Variants in MEDAG observed in about 807,000 individuals in gnomAD.
MEDAG encodes mesenteric estrogen dependent adipogenesis, also known as mesenteric estrogen-dependent adipogenesis protein.
In MEDAG, 25 loss-of-function variants were observed where a neutral mutation model predicts 29.9. That is an observed-to-expected ratio of 0.84 (90% CI 0.61 to 1.17). The LOEUF is 1.17. Ranked by LOEUF, MEDAG falls within the 50% of genes most tolerant of loss-of-function variation. The pLI, the probability that MEDAG is intolerant of heterozygous loss-of-function variation, is 0.00. For missense variants in MEDAG, 398 were observed against 372.9 expected (o/e 1.07, Z -0.56); for synonymous variants, 158 against 148.2 (o/e 1.07, Z -0.48).
chr13:30,915,094 A>G lies in MEDAG; in HGVS notation c.279-2309A>G, dbSNP rs573861133. ...CCATCTATTTTGTTATGTTTATGTC[A>G]ACCAGACTTGCCCTTTCCTTCCTCT... On this transcript the variant is annotated intron_variant, in intron 1 of 4. Transcript: ENST00000380482. Among the ~76,000 whole-genome samples, 67 of 152,240 alleles carry G rather than the reference A, an allele frequency of 4.4e-4. 1 individual carries two copies. The highest frequency in any genetic ancestry group is 3.3e-4 in the Admixed American group (5 of 15,292).
In MEDAG at chr13:30,921,823, G is replaced by A. The variant is rs761660083; in HGVS notation, c.764G>A (p.Arg255Gln). Residue 255 changes from arginine to glutamine, a missense_variant, in exon 4 of 5, where the codon CGA (arginine) becomes CAA (glutamine). Arg to Gln is a conservative substitution (Grantham distance 43, BLOSUM62 1). Transcript: ENST00000380482. ...ATCCGAAGGAGCAGTTTCTCTGACC[G>A]AAAGTTCAGTGTAACTTCCAGAGGT... Reference protein sequence around the residue: ...PLIRRSSFSDRKFSVTSRGSI... With the variant: ...PLIRRSSFSDQKFSVTSRGSI... The A allele has an allele frequency of 1.6e-5, 25 of 1,608,418 alleles. No homozygotes were observed. The highest frequency in any genetic ancestry group is 1.9e-5 in the Non-Finnish European group (22 of 1,178,158).
chr13:30,924,208 A>G, intron 4 of MEDAG, 103 bp from the exon 5 acceptor site: 1 of 1,217,052 alleles, frequency 8.2e-7, no homozygotes, highest in Non-Finnish European at 1.1e-6. Flanking sequence ...AGGATTCTCT[A>G]TTAATTATTA....
chr13:30,907,048 G>A (rs1267284383), intron 1 of MEDAG, among the ~76,000 whole-genome samples: 1 of 152,222 alleles, frequency 6.6e-6, no homozygotes, highest in Non-Finnish European at 1.5e-5. Flanking sequence ...GACTGGGGGC[G>A]AGGGGGAGGG....
chr13:30,906,663 C>A lies in MEDAG; in HGVS notation c.148C>A (p.Leu50Met), dbSNP rs751939702. 1.3e-6 allele frequency: 2 copies of A among 1,561,812 alleles called. 1 individual carries two copies. The change falls in exon 1 of 5, where the codon CTG becomes ATG. Residue 50 changes from leucine (L) to methionine (M), a missense_variant. Leu to Met is a conservative substitution (Grantham distance 15). Transcript: ENST00000380482. Reference sequence around the variant, plus strand: ...GCGCCTGCAGCCCGGTGCCTTCCAGCTGAGCGGCGACCAGCTCGTGGTGGC... The same window carrying A: ...GCGCCTGCAGCCCGGTGCCTTCCAGATGAGCGGCGACCAGCTCGTGGTGGC... ...LLRLQPGAFQ[L>M]SGDQLVVARP...
chr13:30,908,760 A>C (rs564146257), intron 1 of MEDAG: 1 of 148,606 alleles, frequency 6.7e-6, no homozygotes, highest in South Asian at 2.2e-4. Context: ...CTTTTTGAAA[A>C]ATAAGCTCTG....
chr13:30,910,632 C>T (rs978772143), intron 1 of MEDAG, among the ~76,000 whole-genome samples: 5 of 152,230 alleles, frequency 3.3e-5, no homozygotes, highest in Admixed American at 3.3e-4. Flanking sequence ...AGCTAGTGCA[C>T]ATTTTGTACA....
chr13:30,915,999 A>C (rs1952924619), intron 1 of MEDAG: 1 of 152,152 alleles, frequency 6.6e-6, no homozygotes, highest in African/African-American at 2.4e-5. Flanking sequence ...ATGTGGTGGG[A>C]GGTGGAGACT....
At chr13:30,912,942 A>G (rs533944510) in intron 1 of MEDAG, among the ~76,000 whole-genome samples, 1 of 152,350 alleles carries the variant, frequency 6.6e-6, no homozygotes, top group South Asian at 2.1e-4. Context: ...CATGATGTTT[A>G]TCAAGCATCT....
At position 30,921,848 on chromosome 13, in the gene MEDAG, T is replaced by G; in HGVS notation, c.787+2T>G. On this transcript the variant is annotated splice_donor_variant, in intron 4 of 4. Transcript: ENST00000380482. LOFTEE classifies it high-confidence loss of function. Reference sequence around the variant, plus strand: ...GAAAGTTCAGTGTAACTTCCAGAGGTATGTTAAAAATTCCGAAGGATATGT... The same window carrying G: ...GAAAGTTCAGTGTAACTTCCAGAGGGATGTTAAAAATTCCGAAGGATATGT... The G allele has an allele frequency of 6.3e-7, 1 of 1,587,210 alleles. No individual in the cohort carries two copies. The highest frequency in any genetic ancestry group is 8.5e-7 in the Non-Finnish European group (1 of 1,170,506).
Position 30,921,777 on chromosome 13 carries a change from G to GA in MEDAG, c.724dup (p.Met242AsnfsTer3), listed in dbSNP as rs753872842. The stretch of plus-strand genomic sequence containing the variant: ...GAAGGAGACGATTAAGTTATTTCTG[G>GA]AAAAAATGAGTGAGCCTTTAATCCG... On this transcript the variant is annotated frameshift_variant, in exon 4 of 5. Coordinates refer to ENST00000380482, the MANE Select transcript of MEDAG (RefSeq NM_032849.4). LOFTEE classifies it high-confidence loss of function. The GA allele has an allele frequency of 1.1e-5, 17 of 1,612,358 alleles. No homozygotes were observed. In the African/African-American group the frequency reaches 1.7e-4, roughly 16 times the overall value.
chr13:30,906,509 C>A lies in MEDAG; in HGVS notation c.-7C>A. 6.6e-7 allele frequency: 1 copy of A among 1,508,310 alleles called. No homozygotes were observed. Among genetic ancestry groups the A allele is most frequent in the South Asian group, 1.3e-5 (1 of 78,020 alleles). 93.4% of individuals were successfully genotyped at this position (1,508,310 alleles called of 1,614,324 possible). ...AAGCAGGCGGTGTGAGGACCGACGA[C>A]GCGGGCATGGCGGGGGCGGCCTGCG... On this transcript the variant is annotated 5_prime_UTR_variant, in exon 1 of 5. Coordinates refer to ENST00000380482, the MANE Select transcript of MEDAG (RefSeq NM_032849.4).
intron 4 of MEDAG, chr13:30,922,289 C>G (rs1952996001): frequency 6.9e-6 from 1 of 144,702 alleles, no homozygotes; most frequent in Non-Finnish European, 1.5e-5. Flanking sequence ...GAGTTTCACT[C>G]TCGTTGTCCA....
At position 30,906,750 on chromosome 13, in the gene MEDAG, C is replaced by A. The variant is rs777619751; in HGVS notation, c.235C>A (p.Arg79Ser). The A allele has an allele frequency of 6.0e-6, 9 of 1,510,970 alleles. No individual in the cohort carries two copies. Among genetic ancestry groups the A allele is most frequent in the Non-Finnish European group, 6.1e-6 (7 of 1,139,304 alleles). The allele number at this position is 1,510,970 out of a possible 1,614,324, so 93.6% of individuals were successfully genotyped here. A position where few individuals can be genotyped will look rare whatever the true frequency, so the allele number is the denominator to read the frequency against. ...CAACGTCTTCGGTGACGGCCTCGTGCGCCTCGACGGGCAGCTCTACCGCCT... is the reference window on the plus strand; with the variant it reads ...CAACGTCTTCGGTGACGGCCTCGTGAGCCTCGACGGGCAGCTCTACCGCCT... ...GFNVFGDGLV[R>S]LDGQLYRLSS... The change falls in exon 1 of 5, where the codon CGC (arginine) becomes AGC (serine). Residue 79 changes from arginine (R) to serine (S), a missense_variant. Transcript: ENST00000380482.
intron 1 of MEDAG, among the ~76,000 whole-genome samples, chr13:30,914,905 C>T (rs1472477443): frequency 6.6e-6 from 1 of 152,196 alleles, no homozygotes; most frequent in Non-Finnish European, 1.5e-5. Flanking sequence ...GAATGACAAT[C>T]AGACTCCAGA....
intron 1 of MEDAG, among the ~76,000 whole-genome samples, chr13:30,907,130 G>A (rs1247110419): frequency 6.6e-6 from 1 of 152,188 alleles, no homozygotes; most frequent in Non-Finnish European, 1.5e-5. Context: ...TGGGTCAGAT[G>A]AGCTCAAATT....
At chr13:30,921,301 G>A (rs968111645) in intron 3 of MEDAG, among the ~76,000 whole-genome samples, 175 bp downstream of exon 3, 1 of 152,234 alleles carries the variant, frequency 6.6e-6, no homozygotes, top group Non-Finnish European at 1.5e-5. Flanking sequence ...CCAATAAAAT[G>A]AGTTTAGTTC....
intron 2 of MEDAG, among the ~76,000 whole-genome samples, chr13:30,920,339 A>T (rs1952970339): frequency 6.6e-6 from 1 of 152,172 alleles, no homozygotes; most frequent in South Asian, 2.1e-4. Context: ...TAATCCCAGC[A>T]CTTTGGGAGG....
intron 1 of MEDAG, among the ~76,000 whole-genome samples, chr13:30,914,056 C>T (rs757634618): frequency 5.3e-5 from 8 of 152,022 alleles, no homozygotes; most frequent in Non-Finnish European, 1.0e-4. Flanking sequence ...AACAAACAAA[C>T]GAACACACAA....
At chr13:30,911,631 A>G (rs934297692) in intron 1 of MEDAG, among the ~76,000 whole-genome samples, 1 of 152,062 alleles carries the variant, frequency 6.6e-6, no homozygotes. Context: ...GCCCCTCCTG[A>G]CTTGCTCCCC....
Sources: gnomAD v4.1 joint callset for allele counts (sites outside exome capture counted in the v4.1 genomes callset) on GRCh38, gnomAD v4.1.1 for gene constraint, MANE v1.5 for transcripts, NCBI Gene and HGNC (gene_info 2026-07-23, HGNC 2026-07-21) for gene names.